The following PHLPP1 variants were observed in gnomAD, a reference collection of about 807,000 sequenced individuals.
PHLPP1 encodes the protein PH domain and leucine rich repeat protein phosphatase 1.
PHLPP1 carries 42 observed loss-of-function variants against 117.2 expected under a neutral mutation model. The ratio of observed to expected loss-of-function variants is 0.36; its 90% confidence interval spans 0.28 to 0.46. The LOEUF (loss-of-function observed/expected upper bound fraction) is 0.46. PHLPP1 is among the 20% of genes least tolerant of loss of function. PHLPP1 has a pLI of 1.00. For synonymous variants in PHLPP1, 1,042 were observed against 970.7 expected, an observed-to-expected ratio of 1.07 and a Z score of -1.37; for missense variants, 2,084 against 2,241.9, an observed-to-expected ratio of 0.93 and a Z score of 1.42.
intron 1 of PHLPP1, among the ~76,000 whole-genome samples, chr18:62,820,653 C>T (rs1914424561): frequency 6.6e-6 from 1 of 152,170 alleles, no homozygotes; most frequent in South Asian, 2.1e-4. Flanking sequence ...GCTTTGCTTC[C>T]CCTTCTACCA....
intron 1 of PHLPP1, among the ~76,000 whole-genome samples, chr18:62,726,178 G>GGT (rs1784599397): frequency 6.6e-6 from 1 of 152,014 alleles, no homozygotes; most frequent in Non-Finnish European, 1.5e-5. Context: ...TATGATGAGA[G>GGT]GTAGTAGTTG....
At chr18:62,769,980 T>A (rs928473926) in intron 1 of PHLPP1, among the ~76,000 whole-genome samples, 3 of 152,246 alleles carry the variant, frequency 2.0e-5, no homozygotes, top group Non-Finnish European at 4.4e-5. Flanking sequence ...GAGGCCATCA[T>A]CTTTCCTCCA....
At position 62,716,556 on chromosome 18, in the gene PHLPP1, CG is replaced by C. The variant is rs1311107824; in HGVS notation, c.879del (p.Pro294LeufsTer59). On this transcript the variant is annotated frameshift_variant, in exon 1 of 17. Transcript: ENST00000262719. LOFTEE classifies it high-confidence loss of function. The surrounding 1 kb of genome is among the most constrained non-coding windows in gnomAD (Gnocchi z 5.7). ...PPARSAPGAF[G>X]GPPRAPPADL... ...CCGCGAGGAGCGCGCCGGGTGCCTT[CG>C]GGGGGCCTCCGCGCGCGCCCCCCGC... The C allele has an allele frequency of 8.4e-7, 1 of 1,188,818 alleles. No individual in the cohort carries two copies. The highest frequency in any genetic ancestry group is 1.0e-6 in the Non-Finnish European group (1 of 960,886). The allele number at this position is 1,188,818 out of a possible 1,614,324, so 73.6% of individuals were successfully genotyped here.
In PHLPP1 at chr18:62,860,382, A is replaced by C. The variant is rs1188823532; in HGVS notation, c.1900-53A>C. On this transcript the variant is annotated intron_variant, in intron 3 of 16. Transcript: ENST00000262719. ...GATTATCTTATTTCTATCCATAGAA[A>C]GTAGTTATAGGATAAGTGGATGGTA... 3 of 1,414,898 alleles carry C rather than the reference A, an allele frequency of 2.1e-6. No homozygotes were observed. In the African/African-American group the frequency reaches 4.2e-5, roughly 20 times the overall value. The allele number at this position is 1,414,898 out of a possible 1,614,324, so 87.6% of individuals were successfully genotyped here.
chr18:62,979,682 T>A lies in PHLPP1; in HGVS notation c.*251T>A. ...TTCTCCCCCTAACATATCAGATATG[T>A]AAAGACAAAGAACAAAAGGTTTAAT... On this transcript the variant is annotated 3_prime_UTR_variant, in exon 17 of 17. Transcript: ENST00000262719. The A allele has an allele frequency of 1.9e-6, 1 of 515,540 alleles. No individual in the cohort carries two copies. Among genetic ancestry groups the A allele is most frequent in the Non-Finnish European group, 3.4e-6 (1 of 291,576 alleles). The allele number at this position is 515,540 out of a possible 1,614,324, so 31.9% of individuals were successfully genotyped here.
intron 12 of PHLPP1, among the ~76,000 whole-genome samples, chr18:62,956,877 C>T (rs1910626042): frequency 6.6e-6 from 1 of 152,040 alleles, no homozygotes; most frequent in Admixed American, 6.6e-5. Flanking sequence ...CCCAAAAATA[C>T]AGGTTTTCAT....
At chr18:62,778,865 C>T (rs981669492) in intron 1 of PHLPP1, among the ~76,000 whole-genome samples, 7 of 152,188 alleles carry the variant, frequency 4.6e-5, no homozygotes, top group Non-Finnish European at 1.0e-4. Flanking sequence ...CATATTTGCT[C>T]ATATTATGCT....
chr18:62,895,290 G>A, intron 5 of PHLPP1, 133 bp downstream of exon 5: 1 of 828,508 alleles, frequency 1.2e-6, no homozygotes, highest in Non-Finnish European at 1.9e-6. Flanking sequence ...AGAGATCAGG[G>A]ACTATGTAGT....
At chr18:62,786,870 AT>A (rs1216007325) in intron 1 of PHLPP1, among the ~76,000 whole-genome samples, 1 of 152,192 alleles carries the variant, frequency 6.6e-6, no homozygotes, top group African/African-American at 2.4e-5. Flanking sequence ...AAAATTTCTG[AT>A]GTAACATAAT....
chr18:62,867,921 C>T (rs1915807348), intron 4 of PHLPP1, among the ~76,000 whole-genome samples: 1 of 152,096 alleles, frequency 6.6e-6, no homozygotes, highest in Non-Finnish European at 1.5e-5. Context: ...ACGCCATTCT[C>T]CTGCCTCAGC....
chr18:62,729,422 C>T (rs1000286248), intron 1 of PHLPP1, among the ~76,000 whole-genome samples: 20 of 152,262 alleles, frequency 1.3e-4, no homozygotes, highest in African/African-American at 3.8e-4. Context: ...TGAAGCTGGG[C>T]GTGGTGGCTC....
chr18:62,923,680 A>G (rs1029294286), intron 10 of PHLPP1, among the ~76,000 whole-genome samples: 2 of 152,122 alleles, frequency 1.3e-5, no homozygotes, highest in Non-Finnish European at 2.9e-5. Flanking sequence ...TTACCTACCT[A>G]TTTTTAAAAA....
chr18:62,796,701 G>A (rs1387825611), intron 1 of PHLPP1, among the ~76,000 whole-genome samples: 1 of 152,200 alleles, frequency 6.6e-6, no homozygotes, highest in African/African-American at 2.4e-5. Flanking sequence ...TAGATAGAAT[G>A]TGCCAGGGAC....
chr18:62,971,209 A>G (rs1317117109), intron 14 of PHLPP1, among the ~76,000 whole-genome samples: 1 of 151,990 alleles, frequency 6.6e-6, no homozygotes, highest in African/African-American at 2.4e-5. Context: ...TGCTTGCAGT[A>G]TCTGTAGTTT....
rs762309118 is a variant in PHLPP1, at chr18:62,941,925, G to C, written c.3161+7G>C. On this transcript the variant is annotated splice_region_variant and intron_variant, in intron 11 of 16. Transcript: ENST00000262719. ...TTCAGAGTTTTCCAGCAAGGTAAAG[G>C]ACAGTTGTAAAGCTGCGTTCTGAAT... The C allele has an allele frequency of 9.3e-6, 15 of 1,608,970 alleles. No homozygotes were observed. In the South Asian group the frequency reaches 9.9e-5, roughly 11 times the overall value.
intron 1 of PHLPP1, among the ~76,000 whole-genome samples, chr18:62,786,956 A>C (rs138831082): frequency 6.6e-6 from 1 of 152,366 alleles, no homozygotes; most frequent in Non-Finnish European, 1.5e-5. Context: ...TAATTTGCAA[A>C]TACTTTCCCC....
chr18:62,815,824 C>A (rs7243647), intron 1 of PHLPP1, among the ~76,000 whole-genome samples: 21,797 of 152,168 alleles, frequency 0.14, 3,346 homozygotes, highest in African/African-American at 0.39. Context: ...TAAACTTGTT[C>A]TGTTCTTAAA....
At chr18:62,911,331 C>G (rs1916946387) in intron 8 of PHLPP1, among the ~76,000 whole-genome samples, 1 of 59,060 alleles carries the variant, frequency 1.7e-5, no homozygotes, top group South Asian at 4.4e-4. Context: ...AGCTTCTGCA[C>G]AGCAAAAGAA....
intron 14 of PHLPP1, among the ~76,000 whole-genome samples, chr18:62,968,240 T>TG (rs1910958199): frequency 6.6e-6 from 1 of 152,222 alleles, no homozygotes; most frequent in Non-Finnish European, 1.5e-5. Flanking sequence ...TTGGGTTTGG[T>TG]ATCAGGGTAA....
Sources: gnomAD v4.1 joint callset for allele counts (sites outside exome capture counted in the v4.1 genomes callset) on GRCh38, gnomAD v4.1.1 for gene constraint, Gnocchi (gnomAD v3.1) non-coding constraint, MANE v1.5 for transcripts, NCBI Gene and HGNC (gene_info 2026-07-23, HGNC 2026-07-21) for gene names.